INPP5D: variants seen among roughly 807,000 people sequenced by gnomAD.
INPP5D encodes phosphatidylinositol 3,4,5-trisphosphate 5-phosphatase 1.
A neutral mutation model predicts 122.9 loss-of-function variants in INPP5D; 33 were observed. That is an observed-to-expected ratio of 0.27 (90% CI 0.20 to 0.36). The LOEUF (loss-of-function observed/expected upper bound fraction) is 0.36. INPP5D is among the 10% of genes least tolerant of loss of function. The probability of loss-of-function intolerance (pLI) is 1.00; values close to 1 mark genes in which losing one functional copy is unlikely to be tolerated. For synonymous variants in INPP5D, 584 were observed against 576.2 expected, an observed-to-expected ratio of 1.01 and a Z score of -0.19; for missense variants, 1,053 against 1,412.7, an observed-to-expected ratio of 0.75 and a Z score of 4.08.
rs1293736882 is a variant in INPP5D at position 233,163,954 on chromosome 2, C to T, written c.1437+51C>T. On this transcript the variant is annotated intron_variant, in intron 12 of 26. Transcript: ENST00000445964. ...GGGCTTCCGGGATAGAATCTTTGCT[C>T]GGCTGGGCTGTCTCAGAGGCAAGGG... 17 of 1,590,398 alleles carry T rather than the reference C, an allele frequency of 1.1e-5. No individual in the cohort carries two copies. The East Asian group carries it at 2.3e-4, about 21-fold the overall frequency.
In INPP5D at chr2:233,142,360, A is replaced by G. The variant is rs1030073212; in HGVS notation, c.753+2431A>G. ...GAACGTTGGTCCATGGATCAGAAAC[A>G]CCTGAGTTCAAATTCTGATTCACCC... On this transcript the variant is annotated intron_variant, in intron 6 of 26. Transcript: ENST00000445964. 3.6e-3 allele frequency among the ~76,000 whole-genome samples: 551 copies of G among 152,320 alleles called. 6 individuals are homozygous for G. Among genetic ancestry groups the G allele is most frequent in the Middle Eastern group, 0.014 (4 of 294 alleles).
At chr2:233,088,193 T>A (rs1691901771) in intron 2 of INPP5D, among the ~76,000 whole-genome samples, 1 of 152,168 alleles carries the variant, frequency 6.6e-6, no homozygotes, top group Non-Finnish European at 1.5e-5. Context: ...GCCAGGCTGG[T>A]CTCAAACTTC....
chr2:233,153,053 C>A (rs1180020510), intron 9 of INPP5D, among the ~76,000 whole-genome samples: 1 of 152,192 alleles, frequency 6.6e-6, no homozygotes, highest in African/African-American at 2.4e-5. Flanking sequence ...AAAGGTAGAC[C>A]AGCCAGCACC....
At chr2:233,086,122 TTTCTTTCTTTC>T (rs1691828272) in intron 2 of INPP5D, among the ~76,000 whole-genome samples, 1 of 69,016 alleles carries the variant, frequency 1.4e-5, no homozygotes, top group Non-Finnish European at 2.6e-5. Context: ...AGATAGCCTC[TTTCTTTCTTTC>T]TTTCTTTCTT....
chr2:233,171,437 T>C (rs1231207981), intron 17 of INPP5D, among the ~76,000 whole-genome samples: 2 of 152,304 alleles, frequency 1.3e-5, no homozygotes, highest in African/African-American at 2.4e-5. Context: ...CTGAAGATCA[T>C]TTTTTTAAAG....
rs1695541627 is a variant in INPP5D at position 233,207,407 on chromosome 2, C to T, written c.*699C>T. 1 of 152,644 alleles carries T rather than the reference C, an allele frequency of 6.6e-6. No homozygotes were observed. Among genetic ancestry groups the T allele is most frequent in the Non-Finnish European group, 1.5e-5 (1 of 68,110 alleles). The allele number at this position is 152,644 out of a possible 1,614,324, so 9.5% of individuals were successfully genotyped here. On this transcript the variant is annotated 3_prime_UTR_variant, in exon 27 of 27. Coordinates refer to ENST00000445964, the MANE Select transcript of INPP5D (RefSeq NM_001017915.3). This position sits in a 1 kb window ranked among gnomAD's most constrained non-coding sequence, Gnocchi z 4.6. ...TGGCTAGGCTGAGAGCAGGGATCTACCTGGCTTCTCAGTTCTTTGGTTGGA... is the reference window on the plus strand; with the variant it reads ...TGGCTAGGCTGAGAGCAGGGATCTATCTGGCTTCTCAGTTCTTTGGTTGGA...
intron 23 of INPP5D, among the ~76,000 whole-genome samples, chr2:233,194,888 G>A (rs560096147): frequency 5.9e-5 from 9 of 151,840 alleles, no homozygotes; most frequent in Non-Finnish European, 7.4e-5. Context: ...TGCAACCTCC[G>A]CCTCCCAGGT....
chr2:233,122,938 A>G (rs1693034169), intron 3 of INPP5D, among the ~76,000 whole-genome samples: 1 of 152,276 alleles, frequency 6.6e-6, no homozygotes, highest in Non-Finnish European at 1.5e-5. Context: ...CAAGGATCAA[A>G]TGAGTTGAGA....
chr2:233,073,666 A>AT (rs1218623667), intron 1 of INPP5D, among the ~76,000 whole-genome samples: 4 of 148,760 alleles, frequency 2.7e-5, no homozygotes, highest in Non-Finnish European at 4.5e-5. Context: ...AAAAAAAAAA[A>AT]TCTCTGTCTT....
chr2:233,063,350 C>T (rs1263409764), intron 1 of INPP5D, among the ~76,000 whole-genome samples: 1 of 152,250 alleles, frequency 6.6e-6, no homozygotes, highest in African/African-American at 2.4e-5. Context: ...AGCAGCACTC[C>T]CTCCCAGGCC....
At chr2:233,155,706 A>T (rs150035249) in intron 9 of INPP5D, among the ~76,000 whole-genome samples, 93,051 of 151,610 alleles carry the variant, frequency 0.61, 29,986 homozygotes, top group East Asian at 0.98. Flanking sequence ...CAAAATAATA[A>T]GTGTCAGTAA....
chr2:233,098,514 A>G (rs566355402), intron 2 of INPP5D, among the ~76,000 whole-genome samples: 1 of 152,322 alleles, frequency 6.6e-6, no homozygotes, highest in South Asian at 2.1e-4. Flanking sequence ...TGTTCCTTGA[A>G]TAGAGCAGAA....
intron 18 of INPP5D, among the ~76,000 whole-genome samples, chr2:233,180,571 G>T (rs1446437476): frequency 6.6e-6 from 1 of 152,020 alleles, no homozygotes; most frequent in Non-Finnish European, 1.5e-5. Flanking sequence ...AGACAATCTT[G>T]CTTTGTTATC....
intron 1 of INPP5D, among the ~76,000 whole-genome samples, chr2:233,062,836 C>T (rs927776735): frequency 6.6e-6 from 1 of 152,178 alleles, no homozygotes; most frequent in Non-Finnish European, 1.5e-5. Context: ...CATCTGCAGG[C>T]TTCATATGGC....
chr2:233,148,526 G>A (rs1265696876), intron 9 of INPP5D, among the ~76,000 whole-genome samples: 1 of 152,170 alleles, frequency 6.6e-6, no homozygotes, highest in Non-Finnish European at 1.5e-5. Flanking sequence ...GATGGGCACT[G>A]GGGCCCAGGT....
chr2:233,138,632 A>G (rs1297388534), intron 5 of INPP5D, among the ~76,000 whole-genome samples: 1 of 152,250 alleles, frequency 6.6e-6, no homozygotes, highest in Non-Finnish European at 1.5e-5. Context: ...AGGTTTGGCA[A>G]TAATGATCAA....
intron 18 of INPP5D, among the ~76,000 whole-genome samples, chr2:233,181,117 C>T (rs1694772920): frequency 6.6e-6 from 1 of 152,186 alleles, no homozygotes; most frequent in Admixed American, 6.5e-5. Context: ...AACCAGTGCC[C>T]CCACTCCCAT....
intron 2 of INPP5D, among the ~76,000 whole-genome samples, chr2:233,094,385 T>A (rs1022475399): frequency 2.0e-5 from 3 of 151,468 alleles, no homozygotes; most frequent in African/African-American, 4.9e-5. Context: ...TAGTGGTGCA[T>A]GCCTGTAGTC....
At chr2:233,083,413 C>A (rs1024483883) in intron 2 of INPP5D, among the ~76,000 whole-genome samples, 2 of 152,188 alleles carry the variant, frequency 1.3e-5, no homozygotes, top group African/African-American at 4.8e-5. Flanking sequence ...GCTGCTGTGC[C>A]ACTCAAACCC....
Sources: allele counts gnomAD v4.1 joint callset (sites outside exome capture counted in the v4.1 genomes callset), GRCh38; gene constraint gnomAD v4.1.1; non-coding constraint Gnocchi (gnomAD v3.1); transcripts MANE v1.5; gene names NCBI Gene and HGNC (gene_info 2026-07-23, HGNC 2026-07-21).